Variants in NEGR1 observed in about 807,000 individuals in gnomAD.
The protein encoded by NEGR1 is neuronal growth regulator 1, also known as IgLON family member 4.
A neutral mutation model predicts 40.9 loss-of-function variants in NEGR1; 10 were observed. That is an observed-to-expected ratio of 0.24 (90% CI 0.15 to 0.42). The LOEUF is 0.42. Among genes scored for constraint, NEGR1 ranks in the 10% least tolerant of loss-of-function variants. The pLI is 1.00. For synonymous variants in NEGR1, 185 were observed against 166.8 expected (o/e 1.11, Z -0.84); for missense variants, 352 against 438.9 (o/e 0.80, Z 1.77).
rs139944015 is a variant in NEGR1, at chr1:72,250,336, C to A, written c.176+31983G>T. Reference sequence around the variant, plus strand: ...CTGGGGAACTCTGACTAATATACTACCCTTACCTTTCTAGCATTACTGTTT... The same window carrying A: ...CTGGGGAACTCTGACTAATATACTAACCTTACCTTTCTAGCATTACTGTTT... On this transcript the variant is annotated intron_variant, in intron 1 of 6. Coordinates refer to ENST00000357731, the MANE Select transcript of NEGR1 (RefSeq NM_173808.3). Among the ~76,000 whole-genome samples, 287 of 152,120 alleles carry A rather than the reference C, an allele frequency of 1.9e-3. 1 individual carries two copies. The highest frequency in any genetic ancestry group is 6.6e-3 in the African/African-American group (274 of 41,474).
At chr1:72,063,940 T>A (rs1458917629) in intron 1 of NEGR1, among the ~76,000 whole-genome samples, 1 of 151,858 alleles carries the variant, frequency 6.6e-6, no homozygotes. Context: ...ACAGCTTCCA[T>A]CCCGTAAAAT....
chr1:71,583,585 T>G (rs375883808), intron 6 of NEGR1, among the ~76,000 whole-genome samples: 15 of 152,354 alleles, frequency 9.8e-5, no homozygotes, highest in Admixed American at 8.5e-4. Context: ...TGTTAGTCAG[T>G]TTGATTATAG....
intron 6 of NEGR1, among the ~76,000 whole-genome samples, chr1:71,484,480 A>T (rs1387535787): frequency 6.6e-6 from 1 of 151,776 alleles, no homozygotes; most frequent in Admixed American, 6.6e-5. Flanking sequence ...ATGCTTCTAC[A>T]TCTTTAAAAA....
chr1:71,597,410 A>ATT (rs201347430), intron 5 of NEGR1, among the ~76,000 whole-genome samples: 33,665 of 87,576 alleles, frequency 0.38, 5,485 homozygotes, highest in East Asian at 0.62. Context: ...ATGGAGTTTT[A>ATT]TTTATATATA....
chr1:71,853,955 G>A (rs780930351), intron 2 of NEGR1, among the ~76,000 whole-genome samples: 3 of 152,040 alleles, frequency 2.0e-5, no homozygotes, highest in African/African-American at 7.2e-5. Flanking sequence ...AGTTGAAACT[G>A]GTCGTTTTAA....
At chr1:72,216,209 G>A (rs1323714018) in intron 1 of NEGR1, among the ~76,000 whole-genome samples, 2 of 151,190 alleles carry the variant, frequency 1.3e-5, no homozygotes, top group African/African-American at 4.9e-5. Context: ...GTATGTCAGG[G>A]GTGGCAGGCA....
At chr1:71,597,458 C>CTG (rs1176723704) in intron 5 of NEGR1, among the ~76,000 whole-genome samples, 15 of 65,510 alleles carry the variant, frequency 2.3e-4, no homozygotes, top group African/African-American at 8.7e-4. Context: ...CTCTCTCTCT[C>CTG]TCTCTCTCTC....
intron 6 of NEGR1, chr1:71,472,768 C>T (rs866760650): frequency 2.0e-5 from 3 of 151,510 alleles, no homozygotes; most frequent in South Asian, 2.1e-4. Context: ...GAATTCAGAC[C>T]CAGGTATCAC....
chr1:72,086,910 T>C (rs1648245142), intron 1 of NEGR1, among the ~76,000 whole-genome samples: 1 of 152,188 alleles, frequency 6.6e-6, no homozygotes, highest in East Asian at 1.9e-4. Flanking sequence ...GCAAAAGGCT[T>C]ATGGCAACAC....
At chr1:72,038,106 T>C (rs1317465119) in intron 1 of NEGR1, among the ~76,000 whole-genome samples, 1 of 152,130 alleles carries the variant, frequency 6.6e-6, no homozygotes, top group Non-Finnish European at 1.5e-5. Context: ...CTTAAAAGGT[T>C]TAAAGCCTAA....
Position 71,804,259 on chromosome 1 carries a change from A to G in NEGR1, c.410-27962T>C, listed in dbSNP as rs185137826. ...AAAGTTGATAATAAACAGCAATAAC[A>G]GGTCCTGTTGCCAAGCTTCCCAACT... On this transcript the variant is annotated intron_variant, in intron 2 of 6. Transcript: ENST00000357731. Among the ~76,000 whole-genome samples, 419 of 152,340 alleles carry G rather than the reference A, an allele frequency of 2.8e-3. 3 individuals are homozygous for G. Among genetic ancestry groups the G allele is most frequent in the South Asian group, 5.2e-3 (25 of 4,822 alleles).
intron 6 of NEGR1, among the ~76,000 whole-genome samples, chr1:71,492,848 T>C (rs1646938615): frequency 6.6e-6 from 1 of 152,144 alleles, no homozygotes; most frequent in Admixed American, 6.6e-5. Flanking sequence ...GAAAGTAGCT[T>C]GCCTCTCACC....
intron 6 of NEGR1, among the ~76,000 whole-genome samples, chr1:71,485,705 C>G (rs1056607808): frequency 6.6e-6 from 1 of 151,664 alleles, no homozygotes; most frequent in East Asian, 1.9e-4. Context: ...CCTTTTCAGA[C>G]TGTCTTCTTT....
intron 1 of NEGR1, among the ~76,000 whole-genome samples, chr1:72,205,692 G>A (rs1653368967): frequency 1.4e-5 from 2 of 143,102 alleles, no homozygotes; most frequent in Admixed American, 7.3e-5. Context: ...CGAGGAGTGT[G>A]CGTGAGTGGA....
intron 6 of NEGR1, among the ~76,000 whole-genome samples, chr1:71,458,781 C>T (rs1557533323): frequency 6.6e-6 from 1 of 152,206 alleles, no homozygotes; most frequent in Admixed American, 6.5e-5. Context: ...TAATCAAATA[C>T]ATCTTTGACA....
chr1:71,449,617 C>A (rs2101325830), intron 6 of NEGR1, among the ~76,000 whole-genome samples: 1 of 152,246 alleles, frequency 6.6e-6, no homozygotes, highest in South Asian at 2.1e-4. Context: ...AAATTATGTG[C>A]TAGTGTCATT....
At chr1:71,750,438 AAGACATACCCG>A (rs1334944093) in intron 3 of NEGR1, among the ~76,000 whole-genome samples, 128 of 152,316 alleles carry the variant, frequency 8.4e-4, no homozygotes, top group Middle Eastern at 6.8e-3. Flanking sequence ...CCTGCTGGTA[AAGACATACCCG>A]AGACATATAA....
chr1:72,145,701 GA>G (rs1335472303), intron 1 of NEGR1, among the ~76,000 whole-genome samples: 1 of 152,006 alleles, frequency 6.6e-6, no homozygotes, highest in African/African-American at 2.4e-5. Flanking sequence ...TAATTGTTTT[GA>G]CACTGTTTCT....
At chr1:72,076,446 C>T (rs1016077373) in intron 1 of NEGR1, among the ~76,000 whole-genome samples, 3 of 152,084 alleles carry the variant, frequency 2.0e-5, no homozygotes, top group Non-Finnish European at 4.4e-5. Flanking sequence ...ATAAGCTATC[C>T]AATTTATGGC....
Sources: gnomAD v4.1 joint callset for allele counts (sites outside exome capture counted in the v4.1 genomes callset) on GRCh38, gnomAD v4.1.1 for gene constraint, MANE v1.5 for transcripts, NCBI Gene and HGNC (gene_info 2026-07-23, HGNC 2026-07-21) for gene names.